BANK1: variants seen among roughly 807,000 people sequenced by gnomAD.
BANK1 encodes B-cell scaffold protein with ankyrin repeats.
A neutral mutation model predicts 94.5 loss-of-function variants in BANK1; 95 were observed. The observed-to-expected ratio is 1.00, with a 90% CI of 0.85 to 1.19. The LOEUF is 1.19. BANK1 is among the 50% of genes most tolerant of loss of function. The pLI is 0.00. For missense variants in BANK1, 987 were observed against 932.2 expected, an observed-to-expected ratio of 1.06 and a Z score of -0.77; for synonymous variants, 334 against 308.4, an observed-to-expected ratio of 1.08 and a Z score of -0.87.
At chr4:102,057,368 CT>C (rs904161752) in intron 11 of BANK1, among the ~76,000 whole-genome samples, 36 of 84,542 alleles carry the variant, frequency 4.3e-4, no homozygotes, top group African/African-American at 1.2e-3. Context: ...CTCTCTCTCT[CT>C]TTTTTTTTCT....
chr4:102,020,082 A>T (rs1442582091), intron 7 of BANK1, among the ~76,000 whole-genome samples: 1 of 152,128 alleles, frequency 6.6e-6, no homozygotes, highest in Non-Finnish European at 1.5e-5. Flanking sequence ...ATTCACAGTG[A>T]TTTTGAGCTC....
chr4:101,818,523 T>C (rs1661611086), intron 1 of BANK1, among the ~76,000 whole-genome samples: 1 of 152,110 alleles, frequency 6.6e-6, no homozygotes, highest in Admixed American at 6.5e-5. Flanking sequence ...TGTAATTCCT[T>C]CAGGAATGTA....
At chr4:101,907,828 C>G (rs1266794377) in intron 6 of BANK1, among the ~76,000 whole-genome samples, 2 of 152,056 alleles carry the variant, frequency 1.3e-5, no homozygotes, top group Non-Finnish European at 2.9e-5. Flanking sequence ...GAATAAAATA[C>G]CTAGGAATCC....
intron 2 of BANK1, among the ~76,000 whole-genome samples, chr4:101,845,858 T>C (rs1419623425): frequency 6.6e-6 from 1 of 152,134 alleles, no homozygotes; most frequent in East Asian, 1.9e-4. Context: ...CATAGGGTTT[T>C]TGTTTTTGTT....
chr4:101,942,891 T>A (rs998556957), intron 7 of BANK1, among the ~76,000 whole-genome samples: 2 of 151,934 alleles, frequency 1.3e-5, no homozygotes, highest in African/African-American at 2.4e-5. Flanking sequence ...ATACAAACAT[T>A]AATGAAATGG....
chr4:102,067,031 C>A (rs4698987), intron 13 of BANK1, among the ~76,000 whole-genome samples: 89,012 of 151,808 alleles, frequency 0.59, 26,342 homozygotes, highest in African/African-American at 0.62. Flanking sequence ...AGTAAGCAGT[C>A]TGATGTGTCA....
chr4:101,888,988 C>T (rs1047414601), intron 5 of BANK1, among the ~76,000 whole-genome samples: 1 of 152,132 alleles, frequency 6.6e-6, no homozygotes, highest in Non-Finnish European at 1.5e-5. Context: ...CGAAGGGGTG[C>T]TTTTATATAA....
intron 7 of BANK1, among the ~76,000 whole-genome samples, chr4:101,979,683 A>G (rs1039372011): frequency 6.6e-6 from 1 of 151,874 alleles, no homozygotes; most frequent in Non-Finnish European, 1.5e-5. Flanking sequence ...ATACATTTAC[A>G]TATGTGTATA....
At chr4:101,892,523 A>G (rs909337995) in intron 5 of BANK1, among the ~76,000 whole-genome samples, 2 of 145,988 alleles carry the variant, frequency 1.4e-5, no homozygotes, top group African/African-American at 5.3e-5. Context: ...GTATGCATGT[A>G]TATGTATATA....
chr4:101,993,956 C>A (rs1347713702), intron 7 of BANK1, among the ~76,000 whole-genome samples: 1 of 152,186 alleles, frequency 6.6e-6, no homozygotes, highest in African/African-American at 2.4e-5. Flanking sequence ...TTGTCTTTGT[C>A]TACATGGTGC....
At chr4:102,033,765 G>T (rs182194801) in intron 10 of BANK1, among the ~76,000 whole-genome samples, 2 of 151,800 alleles carry the variant, frequency 1.3e-5, no homozygotes, top group Non-Finnish European at 2.9e-5. Flanking sequence ...ATTTTTTTTG[G>T]CAATTAAGTA....
Position 101,918,183 on chromosome 4 carries a change from C to A in BANK1, c.1200C>A (p.Asp400Glu). ...GHKELKKIFE[D>E]FSIQEIDINN... is the part of the protein sequence containing the mutation. ...AAGAACTCAAGAAAATCTTCGAAGA[C>A]TTTTCAGTAAGTTTTTTTTTTAAAT... The change falls in exon 7 of 17, where the codon GAC becomes GAA. Residue 400 changes from aspartate to glutamate, a missense_variant. Transcript: ENST00000322953. 2 of 1,558,106 alleles carry A rather than the reference C, an allele frequency of 1.3e-6. No individual in the cohort carries two copies. Among genetic ancestry groups the A allele is most frequent in the Non-Finnish European group, 1.7e-6 (2 of 1,149,556 alleles).
chr4:101,917,659 G>A (rs1722871016), intron 6 of BANK1, among the ~76,000 whole-genome samples: 1 of 151,780 alleles, frequency 6.6e-6, no homozygotes, highest in African/African-American at 2.4e-5. Context: ...TTAGCGTTTG[G>A]TTAATGTCTA....
chr4:101,856,614 G>C (rs764903686), intron 3 of BANK1, among the ~76,000 whole-genome samples: 1 of 152,096 alleles, frequency 6.6e-6, no homozygotes, highest in Non-Finnish European at 1.5e-5. Flanking sequence ...TAAAATTCGA[G>C]CACTGTAAGA....
At chr4:102,060,471 T>C in intron 12 of BANK1, 82 bp downstream of exon 12, 1 of 1,417,556 alleles carries the variant, frequency 7.1e-7, no homozygotes, top group Non-Finnish European at 9.5e-7. Flanking sequence ...TCATGAGGAA[T>C]ACAGGTAACT....
intron 7 of BANK1, among the ~76,000 whole-genome samples, chr4:101,953,613 C>T (rs2851327): frequency 0.81 from 123,493 of 151,916 alleles, 50,702 homozygotes; most frequent in Non-Finnish European, 0.88. Context: ...TTTCTGCTAG[C>T]ACGATTACCT....
chr4:101,936,550 A>ATG (rs1553934159), intron 7 of BANK1, among the ~76,000 whole-genome samples: 1 of 150,710 alleles, frequency 6.6e-6, no homozygotes, highest in Non-Finnish European at 1.5e-5. Context: ...ACATACACGT[A>ATG]TACATATATG....
chr4:101,940,267 C>T lies in BANK1; in HGVS notation c.1206+22078C>T, dbSNP rs542101195. ...CTAAGCAGGAAAAAAAAAACAGATT[C>T]GAAAGTCATTAAGTTTTTTAAAAAT... On this transcript the variant is annotated intron_variant, in intron 7 of 16. Transcript: ENST00000322953. Among the ~76,000 whole-genome samples, 109 of 150,476 alleles carry T rather than the reference C, an allele frequency of 7.2e-4. 1 individual carries two copies. The highest frequency in any genetic ancestry group is 2.3e-3 in the African/African-American group (94 of 41,256).
intron 7 of BANK1, among the ~76,000 whole-genome samples, chr4:101,981,168 A>G (rs879637864): frequency 3.3e-5 from 5 of 152,076 alleles, no homozygotes; most frequent in Admixed American, 2.0e-4. Context: ...AAATGCCTCT[A>G]TTATTCTCCC....
Sources: gnomAD v4.1 joint callset for allele counts (sites outside exome capture counted in the v4.1 genomes callset) on GRCh38, gnomAD v4.1.1 for gene constraint, MANE v1.5 for transcripts, NCBI Gene and HGNC (gene_info 2026-07-23, HGNC 2026-07-21) for gene names.